TACR1: variants seen among roughly 807,000 people sequenced by gnomAD.
TACR1 encodes substance-P receptor.
A neutral mutation model predicts 35.8 loss-of-function variants in TACR1; 25 were observed. The ratio of observed to expected loss-of-function variants is 0.70; its 90% confidence interval spans 0.51 to 0.98. TACR1 has a LOEUF of 0.98. Among genes scored for constraint, TACR1 ranks in the 50% least tolerant of loss-of-function variants. The probability of loss-of-function intolerance (pLI) is 0.00; values close to 1 mark genes in which losing one functional copy is unlikely to be tolerated. For synonymous variants in TACR1, 195 were observed against 206.7 expected, an observed-to-expected ratio of 0.94 and a Z score of 0.48; for missense variants, 478 against 522.9, an observed-to-expected ratio of 0.91 and a Z score of 0.84.
chr2:75,140,262 T>G (rs1296438082), intron 1 of TACR1, among the ~76,000 whole-genome samples: 2 of 152,086 alleles, frequency 1.3e-5, no homozygotes, highest in Non-Finnish European at 2.9e-5. Context: ...CCCACTCAAG[T>G]TAATTCAGAA....
chr2:75,057,887 GT>G (rs1672598779), intron 2 of TACR1, among the ~76,000 whole-genome samples: 1 of 152,160 alleles, frequency 6.6e-6, no homozygotes, highest in Non-Finnish European at 1.5e-5. Flanking sequence ...GGCAAATTTT[GT>G]TATACATATT....
Position 75,070,593 on chromosome 2 carries a change from A to G in TACR1, c.585-16838T>C, listed in dbSNP as rs945948072. Among the ~76,000 whole-genome samples, 44 of 152,346 alleles carry G rather than the reference A, an allele frequency of 2.9e-4. No homozygotes were observed. The South Asian group carries it at 5.4e-3, about 19-fold the overall frequency. On this transcript the variant is annotated intron_variant, in intron 2 of 4. Transcript: ENST00000305249. ...CTAAGCCTCATGGCAACAAGCCTCA[A>G]GTTTCTTCTAGCCACGCTTTTATTT...
chr2:75,138,618 A>G (rs777648580), intron 1 of TACR1, among the ~76,000 whole-genome samples: 1 of 152,140 alleles, frequency 6.6e-6, no homozygotes, highest in African/African-American at 2.4e-5. Context: ...GTGGTATGTT[A>G]TTACATACCA....
At chr2:75,146,797 C>G (rs1360027178) in intron 1 of TACR1, among the ~76,000 whole-genome samples, 1 of 152,122 alleles carries the variant, frequency 6.6e-6, no homozygotes, top group African/African-American at 2.4e-5. Flanking sequence ...AAACTATAAA[C>G]CACTATACAA....
intron 1 of TACR1, among the ~76,000 whole-genome samples, chr2:75,192,708 A>G (rs1019661743): frequency 6.6e-6 from 1 of 152,184 alleles, no homozygotes; most frequent in African/African-American, 2.4e-5. Flanking sequence ...ATGGGTCTTC[A>G]AGCTGTGAGG....
chr2:75,154,959 G>T (rs1186051297), intron 1 of TACR1, among the ~76,000 whole-genome samples: 1 of 152,160 alleles, frequency 6.6e-6, no homozygotes, highest in South Asian at 2.1e-4. Context: ...AGATGAGTCT[G>T]TGCTCTGCCT....
At chr2:75,181,358 T>G (rs1675554453) in intron 1 of TACR1, among the ~76,000 whole-genome samples, 17 of 151,940 alleles carry the variant, frequency 1.1e-4, no homozygotes, top group Admixed American at 1.1e-3. Context: ...AAAAAGGAAA[T>G]ATAATCTGAG....
intron 2 of TACR1, among the ~76,000 whole-genome samples, chr2:75,063,744 C>T (rs1672710812): frequency 6.6e-6 from 1 of 152,168 alleles, no homozygotes; most frequent in African/African-American, 2.4e-5. Context: ...CCTCTTATTT[C>T]TGGGATAGAA....
intron 2 of TACR1, among the ~76,000 whole-genome samples, chr2:75,119,707 A>T (rs1173495483): frequency 6.6e-6 from 1 of 152,202 alleles, no homozygotes; most frequent in Non-Finnish European, 1.5e-5. Flanking sequence ...CCTGTAACTC[A>T]TAAGGTCTCA....
chr2:75,142,644 A>G (rs767700914), intron 1 of TACR1, among the ~76,000 whole-genome samples: 19 of 152,192 alleles, frequency 1.2e-4, no homozygotes, highest in Non-Finnish European at 2.8e-4. Context: ...ACAGGCTGTT[A>G]GAGAGTAGGA....
At chr2:75,186,658 G>A (rs957726614) in intron 1 of TACR1, among the ~76,000 whole-genome samples, 5 of 150,204 alleles carry the variant, frequency 3.3e-5, no homozygotes, top group Admixed American at 1.3e-4. Flanking sequence ...AAAAAAAAAG[G>A]TGGCTTAAGT....
intron 2 of TACR1, among the ~76,000 whole-genome samples, chr2:75,069,801 T>C (rs1672839459): frequency 6.6e-6 from 1 of 152,236 alleles, no homozygotes; most frequent in African/African-American, 2.4e-5. Context: ...GCCATTCTTA[T>C]CACATCATAT....
chr2:75,192,244 G>A (rs922012356), intron 1 of TACR1, among the ~76,000 whole-genome samples: 4 of 145,820 alleles, frequency 2.7e-5, no homozygotes, highest in African/African-American at 1.1e-4. Context: ...AAAGTTGGAG[G>A]AACCAGGGAC....
At chr2:75,134,167 C>G (rs1674233237) in intron 1 of TACR1, among the ~76,000 whole-genome samples, 6 of 152,302 alleles carry the variant, frequency 3.9e-5, no homozygotes, top group Admixed American at 3.9e-4. Flanking sequence ...GCTGCTCTGC[C>G]TGTGGAGTAG....
chr2:75,150,058 A>G (rs1268437798), intron 1 of TACR1, among the ~76,000 whole-genome samples: 2 of 152,162 alleles, frequency 1.3e-5, no homozygotes, highest in Non-Finnish European at 2.9e-5. Context: ...TGATTTGCAT[A>G]TGTTGAACCA....
chr2:75,138,972 C>T (rs1278867535), intron 1 of TACR1, among the ~76,000 whole-genome samples: 1 of 151,962 alleles, frequency 6.6e-6, no homozygotes, highest in Non-Finnish European at 1.5e-5. Flanking sequence ...AAAGAACGGT[C>T]ATGAGAACAT....
At chr2:75,164,155 G>A (rs527465419) in intron 1 of TACR1, among the ~76,000 whole-genome samples, 6 of 151,582 alleles carry the variant, frequency 4.0e-5, no homozygotes, top group African/African-American at 7.3e-5. Flanking sequence ...GTGAAACCCC[G>A]TCTCTACTAA....
intron 2 of TACR1, among the ~76,000 whole-genome samples, chr2:75,105,477 T>C (rs1673620209): frequency 6.6e-6 from 1 of 152,016 alleles, no homozygotes; most frequent in Non-Finnish European, 1.5e-5. Flanking sequence ...CTATAGTTAA[T>C]AATAATGCAT....
intron 2 of TACR1, among the ~76,000 whole-genome samples, chr2:75,056,455 C>A (rs141504517): frequency 1.3e-5 from 2 of 152,196 alleles, no homozygotes; most frequent in East Asian, 3.9e-4. Context: ...CGAAGTTATT[C>A]AAACCAGCCA....
Sources: gnomAD v4.1 joint callset for allele counts (sites outside exome capture counted in the v4.1 genomes callset) on GRCh38, gnomAD v4.1.1 for gene constraint, MANE v1.5 for transcripts, NCBI Gene and HGNC (gene_info 2026-07-23, HGNC 2026-07-21) for gene names.